NOTCH2: variants seen among roughly 807,000 people sequenced by gnomAD.
NOTCH2 encodes notch receptor 2, also known as neurogenic locus notch homolog protein 2.
NOTCH2 carries 29 observed loss-of-function variants against 235.8 expected under a neutral mutation model. That is an observed-to-expected ratio of 0.12 (90% CI 0.09 to 0.17). The LOEUF (loss-of-function observed/expected upper bound fraction) is 0.17, where lower values mean the gene tolerates loss of function less well. Ranked by LOEUF, NOTCH2 falls within the 10% of genes least tolerant of loss-of-function variation. The pLI is 1.00. For missense variants in NOTCH2, 2,285 were observed against 3,150.2 expected (o/e 0.73, Z 6.57); for synonymous variants, 1,086 against 1,141.5 (o/e 0.95, Z 0.98).
Position 119,959,462 on chromosome 1 carries a change from G to A in NOTCH2, c.1956C>T (p.Asn652=), listed in dbSNP as rs1553198770. 2 of 1,610,712 alleles carry A rather than the reference G, an allele frequency of 1.2e-6. No individual in the cohort carries two copies. Among genetic ancestry groups the A allele is most frequent in the East Asian group, 4.5e-5 (2 of 44,848 alleles). Residue 652 remains asparagine (N), a synonymous_variant, in exon 12 of 34, where the codon AAC becomes AAT. Coordinates refer to ENST00000256646, the MANE Select transcript of NOTCH2 (RefSeq NM_024408.4). ...CEINFDDCAS[N]PCIHGICMDG... Reference sequence around the variant, plus strand: ...CCATACAGATTCCATGGATACAAGGGTTACTTGCACAGTCATCAAAATTAA... The same window carrying A: ...CCATACAGATTCCATGGATACAAGGATTACTTGCACAGTCATCAAAATTAA...
chr1:120,023,379 G>A (rs1653709898), intron 2 of NOTCH2, among the ~76,000 whole-genome samples: 1 of 150,822 alleles, frequency 6.6e-6, no homozygotes, highest in Non-Finnish European at 1.5e-5. Flanking sequence ...GGAGCTTACA[G>A]TGAGCCAAGA....
Position 119,999,981 on chromosome 1 carries a change from AAGG to A in NOTCH2, c.416-2652_416-2650del, listed in dbSNP as rs1557840316. The stretch of plus-strand genomic sequence containing the variant: ...AAAGAAAGAAAGAAAGAAAGAAAGG[AAGG>A]AAGGAAGGAAGGAAGGAAGGAAGGA... On this transcript the variant is annotated intron_variant, in intron 3 of 33. Transcript: ENST00000256646. Among the ~76,000 whole-genome samples, 545 of 91,030 alleles carry A rather than the reference AAGG, an allele frequency of 6.0e-3. 3 individuals carry two copies. The highest frequency in any genetic ancestry group is 0.025 in the African/African-American group (284 of 11,352). 59.7% of individuals were successfully genotyped at this position (91,030 alleles called of 152,430 possible).
At position 119,915,365 on chromosome 1, in the gene NOTCH2, G is replaced by A. The variant is rs587616520; in HGVS notation, c.7357C>T (p.Arg2453Trp). 8 of 1,614,110 alleles carry A rather than the reference G, an allele frequency of 5.0e-6. No individual in the cohort carries two copies. The highest frequency in any genetic ancestry group is 1.7e-4 in the Middle Eastern group (1 of 6,040). The change falls in exon 34 of 34, where the codon CGG becomes TGG. Residue 2453 changes from arginine to tryptophan, a missense_variant. This residue lies in a region of NOTCH2 where 504 missense variants were observed against 538.0 expected (regional missense o/e 0.94). Transcript: ENST00000256646. ...TCAGACATGTGTGTCCCAGGTCCCC[G>A]CTGACCTCCTCCAGCACCCCCAGGG... ...PTPGGAGGGQRGPGTHMSEPP... is the reference protein window; with the variant it reads ...PTPGGAGGGQWGPGTHMSEPP...
rs754288957 is a variant in NOTCH2, at chr1:119,920,271, C to G, written c.5437G>C (p.Glu1813Gln). 6.2e-6 allele frequency: 10 copies of G among 1,614,216 alleles called. No homozygotes were observed. The highest frequency in any genetic ancestry group is 8.5e-6 in the Non-Finnish European group (10 of 1,180,042). The change falls in exon 30 of 34, where the codon GAG (glutamate) becomes CAG (glutamine). Residue 1813 changes from glutamate (E) to glutamine (Q), a missense_variant. This residue lies in a region of NOTCH2 where 1,173 missense variants were observed against 1,515.3 expected (regional missense o/e 0.77). Transcript: ENST00000256646. Reference protein sequence around the residue: ...PSLALTPPQAEQEVDVLDVNV... With the variant: ...PSLALTPPQAQQEVDVLDVNV... Reference sequence around the variant, plus strand: ...ACATCTAACACATCCACCTCCTGCTCTGCCTGAGGAGGGGTGAGAGCCAGC... The same window carrying G: ...ACATCTAACACATCCACCTCCTGCTGTGCCTGAGGAGGGGTGAGAGCCAGC...
At chr1:119,955,006 C>A (rs1437952190) in intron 13 of NOTCH2, 34 bp downstream of exon 13, 1 of 1,609,792 alleles carries the variant, frequency 6.2e-7, no homozygotes, top group Non-Finnish European at 8.5e-7. Flanking sequence ...TAACACAGGT[C>A]AATAAGAAAC....
In NOTCH2 at chr1:119,937,368, A is replaced by G; in HGVS notation, c.3436T>C (p.Cys1146Arg). 6.2e-7 allele frequency: 1 copy of G among 1,614,184 alleles called. No individual in the cohort carries two copies. Among genetic ancestry groups the G allele is most frequent in the Non-Finnish European group, 8.5e-7 (1 of 1,180,048 alleles). ...GCACACTCATCGAGTTGCTCCTCAC[A>G]GTAGCTCCCAGTATAGCCCAGGGGG... ...QCPLGYTGSY[C>R]EEQLDECASN... Residue 1146 changes from cysteine to arginine, a missense_variant, in exon 21 of 34, where the codon TGT (cysteine) becomes CGT (arginine). Cys to Arg is a radical substitution (Grantham distance 180). Transcript: ENST00000256646.
intron 17 of NOTCH2, among the ~76,000 whole-genome samples, chr1:119,946,538 T>G (rs1057387369): frequency 2.0e-5 from 3 of 152,046 alleles, no homozygotes; most frequent in African/African-American, 7.2e-5. Context: ...GACAATTTAC[T>G]TACATTAAAA....
At chr1:119,926,454 T>G (rs17258579) in intron 24 of NOTCH2, 45 bp downstream of exon 24, 1 of 1,335,872 alleles carries the variant, frequency 7.5e-7, no homozygotes, top group Admixed American at 1.9e-5. Flanking sequence ...ACAGATTGTA[T>G]GGAAGAGACA....
chr1:120,005,460 C>T lies in NOTCH2; in HGVS notation c.284G>A (p.Gly95Glu), dbSNP rs782475359. The T allele has an allele frequency of 1.2e-6, 2 of 1,613,822 alleles. No homozygotes were observed. Among genetic ancestry groups the T allele is most frequent in the Non-Finnish European group, 1.7e-6 (2 of 1,179,834 alleles). The part of the protein sequence containing the change: ...LGKATCRCAS[G>E]FTGEDCQYST... ...GTACTGGCAGTCCTCTCCTGTAAAC[C>T]CTGAGGCACATCGGCACGTGGCTTT... is the stretch of plus-strand genomic sequence containing the variant. Residue 95 changes from glycine to glutamate, a missense_variant, in exon 3 of 34, where the codon GGG becomes GAG. By Grantham distance (98) the Gly-to-Glu change is moderately conservative. Transcript: ENST00000256646.
At chr1:119,980,990 C>T (rs782418122) in intron 5 of NOTCH2, among the ~76,000 whole-genome samples, 4 of 152,112 alleles carry the variant, frequency 2.6e-5, no homozygotes, top group Non-Finnish European at 4.4e-5. Flanking sequence ...TCTCATACTT[C>T]GGGTCCAAAT....
chr1:120,010,521 T>C (rs1215050881), intron 2 of NOTCH2, among the ~76,000 whole-genome samples: 1 of 151,030 alleles, frequency 6.6e-6, no homozygotes, highest in African/African-American at 2.5e-5. Flanking sequence ...CTCCACCATT[T>C]ACTCAATGTG....
chr1:119,917,582 G>A, intron 33 of NOTCH2, 83 bp downstream of exon 33: 3 of 925,948 alleles, frequency 3.2e-6, no homozygotes, highest in Non-Finnish European at 5.4e-6. Flanking sequence ...TATAACAAGA[G>A]AAGCTGTAAG....
intron 3 of NOTCH2, among the ~76,000 whole-genome samples, chr1:120,000,459 G>A (rs1358957486): frequency 1.6e-4 from 24 of 147,458 alleles, no homozygotes; most frequent in South Asian, 6.6e-4. Flanking sequence ...GCGTGAACCC[G>A]GGAGGTGGAG....
intron 9 of NOTCH2, 82 bp downstream of exon 9, chr1:119,966,294 C>T (rs1553199641): frequency 1.1e-6 from 1 of 907,688 alleles, no homozygotes. Context: ...ACAGCCCACA[C>T]ACATTCTCTC....
At chr1:119,956,292 G>A (rs1366364811) in intron 12 of NOTCH2, among the ~76,000 whole-genome samples, 1 of 152,164 alleles carries the variant, frequency 6.6e-6, no homozygotes, top group Admixed American at 6.5e-5. Flanking sequence ...TTCTATAAAT[G>A]AGTGGCATCA....
At chr1:120,011,894 T>C (rs1231466871) in intron 2 of NOTCH2, among the ~76,000 whole-genome samples, 1 of 149,602 alleles carries the variant, frequency 6.7e-6, no homozygotes. Context: ...CGGGCGCCTG[T>C]AGTCCCAGCT....
Position 119,979,192 on chromosome 1 carries a change from TAA to T in NOTCH2, c.874+7766_874+7767del, listed in dbSNP as rs1478863548. ...AAGTCAGTGTTATAAAGAAGAACCT[TAA>T]GAGAGCTCTCACAGAACACAAAACA... On this transcript the variant is annotated intron_variant, in intron 5 of 33. Transcript: ENST00000256646. Among the ~76,000 whole-genome samples, 7 of 152,208 alleles carry T rather than the reference TAA, an allele frequency of 4.6e-5. No homozygotes were observed. The East Asian group carries it at 1.2e-3, about 25-fold the overall frequency.
In NOTCH2 at chr1:119,926,620, A is replaced by G; in HGVS notation, c.3893-9T>C. ...GGTTTCACAGTGCCGGCCTCAGAAA[A>G]TAAAAAATAAAAAAGGTTTTAAAAG... On this transcript the variant is annotated splice_polypyrimidine_tract_variant and intron_variant, in intron 23 of 33. Transcript: ENST00000256646. 6.3e-7 allele frequency: 1 copy of G among 1,583,258 alleles called. No individual in the cohort carries two copies. Among genetic ancestry groups the G allele is most frequent in the East Asian group, 2.3e-5 (1 of 44,246 alleles).
At position 119,922,741 on chromosome 1, in the gene NOTCH2, C is replaced by T. The variant is rs116321057; in HGVS notation, c.4897G>A (p.Val1633Ile). The change falls in exon 27 of 34, where the codon GTT becomes ATT. Residue 1633 changes from valine to isoleucine, a missense_variant. This residue lies in a region of NOTCH2 where 1,173 missense variants were observed against 1,515.3 expected (regional missense o/e 0.77). Transcript: ENST00000256646. Reference sequence around the variant, plus strand: ...TTGAAGCAGTGGTCTGAGTCTTGAACACACTGGCGGTTGTCAATTTCCAGA... The same window carrying T: ...TTGAAGCAGTGGTCTGAGTCTTGAATACACTGGCGGTTGTCAATTTCCAGA... ...VFLEIDNRQC[V>I]QDSDHCFKNT... 1,347 of 1,614,184 alleles carry T rather than the reference C, an allele frequency of 8.3e-4. 1 individual carries two copies. Among genetic ancestry groups the T allele is most frequent in the Non-Finnish European group, 1.1e-3 (1,250 of 1,180,030 alleles).
Sources: allele counts gnomAD v4.1 joint callset (sites outside exome capture counted in the v4.1 genomes callset), GRCh38; gene constraint gnomAD v4.1.1; regional missense constraint gnomAD v4.1.1; transcripts MANE v1.5; gene names NCBI Gene and HGNC (gene_info 2026-07-23, HGNC 2026-07-21).